Variants in KAZN observed in about 807,000 individuals in gnomAD.
KAZN encodes the protein kazrin.
A neutral mutation model predicts 87.4 loss-of-function variants in KAZN; 40 were observed. That is an observed-to-expected ratio of 0.46 (90% confidence interval 0.36 to 0.60). KAZN has a LOEUF of 0.60. Among genes scored for constraint, KAZN ranks in the 20% least tolerant of loss-of-function variants. KAZN has a pLI of 0.00. For synonymous variants in KAZN, 466 were observed against 458.3 expected (o/e 1.02, Z -0.22); for missense variants, 898 against 1,073.9 (o/e 0.84, Z 2.29).
At chr1:14,475,254 C>A (rs1056393428) in intron 2 of KAZN, among the ~76,000 whole-genome samples, 2 of 152,172 alleles carry the variant, frequency 1.3e-5, no homozygotes, top group Non-Finnish European at 2.9e-5. Context: ...CCAGACCAAT[C>A]TCCTTTTGAA....
Position 14,996,166 on chromosome 1 carries a change from T to TA in KAZN, c.418+35291_418+35292insA, listed in dbSNP as rs968912135. Among the ~76,000 whole-genome samples the TA allele has an allele frequency of 2.6e-5, 4 of 152,154 alleles. No homozygotes were observed. Among genetic ancestry groups the TA allele is most frequent in the Non-Finnish European group, 2.9e-5 (2 of 68,028 alleles). The stretch of plus-strand genomic sequence containing the variant: ...TCACCGCAGAACTCACTGGGCCTTC[T>TA]GGGTCTTGGCTCTTCATGCCCCGCC... On this transcript the variant is annotated intron_variant, in intron 2 of 14. Coordinates refer to ENST00000376030, the MANE Select transcript of KAZN (RefSeq NM_201628.3). The surrounding 1 kb of genome is among the most constrained non-coding windows in gnomAD (Gnocchi z 5.9).
At chr1:14,839,482 A>G (rs1647676170) in intron 1 of KAZN, among the ~76,000 whole-genome samples, 1 of 152,224 alleles carries the variant, frequency 6.6e-6, no homozygotes, top group Admixed American at 6.5e-5. Context: ...AATGTGACCA[A>G]AGCAAGCCCT....
At chr1:14,012,195 G>T (rs920343328) in intron 1 of KAZN, among the ~76,000 whole-genome samples, 3 of 151,924 alleles carry the variant, frequency 2.0e-5, no homozygotes, top group Admixed American at 6.6e-5. Context: ...ATCATGTCTT[G>T]TTTTATTTGG....
intron 1 of KAZN, among the ~76,000 whole-genome samples, chr1:14,818,377 T>C (rs1374402275): frequency 2.0e-5 from 3 of 152,194 alleles, no homozygotes; most frequent in Non-Finnish European, 4.4e-5. Flanking sequence ...TGACAAGTGT[T>C]CAGTGTGAAT....
At chr1:14,730,250 A>C (rs1319053569) in intron 1 of KAZN, among the ~76,000 whole-genome samples, 1 of 152,044 alleles carries the variant, frequency 6.6e-6, no homozygotes, top group Non-Finnish European at 1.5e-5. Flanking sequence ...TGCCCAGCTA[A>C]TTTTTGTATG....
At chr1:14,683,243 C>T (rs1235816959) in intron 1 of KAZN, among the ~76,000 whole-genome samples, 2 of 152,096 alleles carry the variant, frequency 1.3e-5, no homozygotes, top group Non-Finnish European at 2.9e-5. Context: ...TGAGTCGCTC[C>T]AGAAGTGCAA....
intron 1 of KAZN, among the ~76,000 whole-genome samples, chr1:14,889,045 T>C (rs1654425949): frequency 6.6e-6 from 1 of 152,244 alleles, no homozygotes; most frequent in South Asian, 2.1e-4. Flanking sequence ...CATAGTGTTT[T>C]AAGAAAGTTT....
At chr1:14,280,725 C>T (rs958564790) in intron 2 of KAZN, among the ~76,000 whole-genome samples, 1 of 152,138 alleles carries the variant, frequency 6.6e-6, no homozygotes, top group Non-Finnish European at 1.5e-5. Context: ...TACAGCAGTC[C>T]TGGGAAACTA....
At chr1:14,150,009 A>G (rs1645439488) in intron 1 of KAZN, among the ~76,000 whole-genome samples, 1 of 152,234 alleles carries the variant, frequency 6.6e-6, no homozygotes. Context: ...GTCATAACGC[A>G]ACAGCAGGGA....
intron 2 of KAZN, among the ~76,000 whole-genome samples, chr1:14,275,138 A>G (rs1028666808): frequency 6.6e-6 from 1 of 152,194 alleles, no homozygotes; most frequent in Non-Finnish European, 1.5e-5. Flanking sequence ...GACATTACCA[A>G]TATCTTGAAG....
chr1:14,414,004 C>A (rs1460333260), intron 2 of KAZN, among the ~76,000 whole-genome samples: 1 of 152,206 alleles, frequency 6.6e-6, no homozygotes, highest in Non-Finnish European at 1.5e-5. Flanking sequence ...TCATTCCGAT[C>A]ATGCCTGGCA....
At chr1:14,199,632 G>A (rs1646599472) in intron 2 of KAZN, among the ~76,000 whole-genome samples, 1 of 152,138 alleles carries the variant, frequency 6.6e-6, no homozygotes, top group African/African-American at 2.4e-5. Context: ...AGGGCTCTGG[G>A]GATGAAGTAA....
intron 4 of KAZN, among the ~76,000 whole-genome samples, chr1:15,049,000 C>T (rs1242107504): frequency 3.3e-5 from 5 of 152,194 alleles, no homozygotes; most frequent in Admixed American, 3.3e-4. Context: ...CCCCAAGAAG[C>T]ACCCCGTCTT....
Position 14,934,155 on chromosome 1 carries a change from A to G in KAZN, c.227-26529A>G, listed in dbSNP as rs533101754. On this transcript the variant is annotated intron_variant, in intron 1 of 14. Transcript: ENST00000376030. ...CAGGCGTGAGCCACCACGCCCAGCC[A>G]GGATGTACCTTTTTAAAAAGAGAAA... Among the ~76,000 whole-genome samples, 9 of 144,028 alleles carry G rather than the reference A, an allele frequency of 6.2e-5. 1 individual carries two copies. The South Asian group carries it at 1.8e-3, about 29-fold the overall frequency. 94.5% of individuals were successfully genotyped at this position (144,028 alleles called of 152,430 possible). A position where few individuals can be genotyped will look rare whatever the true frequency, so the allele number is the denominator to read the frequency against.
At chr1:14,212,938 G>T (rs1334418535) in intron 2 of KAZN, among the ~76,000 whole-genome samples, 8 of 152,014 alleles carry the variant, frequency 5.3e-5, no homozygotes, top group Non-Finnish European at 7.4e-5. Flanking sequence ...CTTTACACTG[G>T]GATTCTTATA....
intron 2 of KAZN, among the ~76,000 whole-genome samples, chr1:14,970,634 C>G (rs1380791551): frequency 3.9e-5 from 6 of 152,208 alleles, no homozygotes; most frequent in Non-Finnish European, 5.9e-5. Context: ...GCGTCCCTGT[C>G]CCCCACACAG....
At chr1:15,053,063 G>C (rs1471011494) in intron 4 of KAZN, among the ~76,000 whole-genome samples, 2 of 152,234 alleles carry the variant, frequency 1.3e-5, no homozygotes, top group East Asian at 3.8e-4. Context: ...TTGCAGGAGG[G>C]GGAGCTGAGG....
chr1:15,101,676 C>A lies in KAZN; in HGVS notation c.1681C>A (p.Arg561=), dbSNP rs1457454827. ...DGRMLNSLMK[R]DLEKHLNVSK... is the part of the protein sequence containing the mutation. ...GCGGATGCTGAATTCCCTGATGAAG[C>A]GAGACCTGGAGAAGCACCTGAACGT... The change falls in exon 11 of 15, where the codon CGA becomes AGA. Residue 561 remains arginine (R), a synonymous_variant. Coordinates refer to ENST00000376030, the MANE Select transcript of KAZN (RefSeq NM_201628.3). The A allele has an allele frequency of 6.3e-7, 1 of 1,591,914 alleles. No homozygotes were observed. Among genetic ancestry groups the A allele is most frequent in the South Asian group, 1.2e-5 (1 of 86,950 alleles).
chr1:14,861,368 G>A (rs759608026), intron 1 of KAZN, among the ~76,000 whole-genome samples: 3 of 152,160 alleles, frequency 2.0e-5, no homozygotes, highest in Non-Finnish European at 4.4e-5. Flanking sequence ...GACAGAGTGA[G>A]AGCCTGTCTC....
Sources: gnomAD v4.1 joint callset for allele counts (sites outside exome capture counted in the v4.1 genomes callset) on GRCh38, gnomAD v4.1.1 for gene constraint, Gnocchi (gnomAD v3.1) non-coding constraint, MANE v1.5 for transcripts, NCBI Gene and HGNC (gene_info 2026-07-23, HGNC 2026-07-21) for gene names.